The following PRMT9 variants were observed in gnomAD, a reference collection of about 807,000 sequenced individuals.
PRMT9 encodes protein arginine methyltransferase 9.
A neutral mutation model predicts 83.2 loss-of-function variants in PRMT9; 59 were observed. The ratio of observed to expected loss-of-function variants is 0.71; its 90% confidence interval spans 0.57 to 0.88. The LOEUF (loss-of-function observed/expected upper bound fraction) is 0.88. Ranked by LOEUF, PRMT9 falls within the 40% of genes least tolerant of loss-of-function variation. PRMT9 has a pLI of 0.00. For missense variants in PRMT9, 947 were observed against 1,021.9 expected (o/e 0.93, Z 1.00); for synonymous variants, 333 against 353.2 (o/e 0.94, Z 0.64).
chr4:147,682,118 G>A (rs1578949304), intron 1 of PRMT9, among the ~76,000 whole-genome samples: 1 of 152,132 alleles, frequency 6.6e-6, no homozygotes. Context: ...CAATTCTTCT[G>A]CGTCAGCCTC....
intron 6 of PRMT9, among the ~76,000 whole-genome samples, chr4:147,665,044 A>G (rs537580933): frequency 8.2e-5 from 12 of 145,970 alleles, no homozygotes; most frequent in African/African-American, 2.5e-4. Context: ...TCACTTGAAC[A>G]TGGGAGGTGG....
At chr4:147,677,480 G>A (rs1381338766) in intron 2 of PRMT9, among the ~76,000 whole-genome samples, 2 of 112,260 alleles carry the variant, frequency 1.8e-5, no homozygotes, top group Non-Finnish European at 3.4e-5. Context: ...TTGAGATGGA[G>A]TCTCTCTCTG....
At position 147,668,572 on chromosome 4, in the gene PRMT9, G is replaced by T; in HGVS notation, c.920C>A (p.Ala307Glu). 1 of 1,609,868 alleles carries T rather than the reference G, an allele frequency of 6.2e-7. No individual in the cohort carries two copies. The highest frequency in any genetic ancestry group is 8.5e-7 in the Non-Finnish European group (1 of 1,177,034). Residue 307 changes from alanine (A) to glutamate (E), a missense_variant, in exon 6 of 12, where the codon GCA (alanine) becomes GAA (glutamate). Physicochemically the swap from Ala to Glu is moderately radical, Grantham distance 107. Transcript: ENST00000322396. ...TCTTCTTATCTCTGCACATTCTACT[G>T]CCATCCCAAATATAACAGCACTTGC... ...IPASAVIFGMAVECAEIRRHH... is the reference protein window; with the variant it reads ...IPASAVIFGMEVECAEIRRHH...
intron 7 of PRMT9, among the ~76,000 whole-genome samples, chr4:147,659,579 C>CTTTTTTTTTTT (rs33942571): frequency 4.9e-5 from 6 of 121,642 alleles, no homozygotes; most frequent in Non-Finnish European, 9.8e-5. Context: ...ACTTTCTTTT[C>CTTTTTTTTTTT]TTTTTTTTTT....
chr4:147,682,336 C>A (rs1463557133), intron 1 of PRMT9, among the ~76,000 whole-genome samples: 1 of 152,208 alleles, frequency 6.6e-6, no homozygotes, highest in African/African-American at 2.4e-5. Flanking sequence ...TGCACCACCA[C>A]GCCCAGCTAA....
chr4:147,658,111 T>C (rs374266333), intron 7 of PRMT9, 136 bp from the exon 8 acceptor site: 2 of 650,522 alleles, frequency 3.1e-6, no homozygotes, highest in East Asian at 2.7e-5. Context: ...GGCACACCTA[T>C]AACCATGTAA....
chr4:147,665,185 T>C (rs996311047), intron 6 of PRMT9, among the ~76,000 whole-genome samples: 1 of 151,592 alleles, frequency 6.6e-6, no homozygotes, highest in Non-Finnish European at 1.5e-5. Context: ...CAATCTTTCC[T>C]TTTGTCGTAA....
Position 147,638,241 on chromosome 4 carries a change from A to G in PRMT9, c.*291T>C, listed in dbSNP as rs181877769. The stretch of plus-strand genomic sequence containing the variant: ...AAGTAAAGTTTTGCTTTACTTACAC[A>G]TGTCAATAACGATAAGACTTTTAAA... On this transcript the variant is annotated 3_prime_UTR_variant, in exon 12 of 12. Coordinates refer to ENST00000322396, the MANE Select transcript of PRMT9 (RefSeq NM_138364.4). The G allele has an allele frequency of 2.7e-6, 1 of 364,682 alleles. No homozygotes were observed. Among genetic ancestry groups the G allele is most frequent in the Non-Finnish European group, 5.1e-6 (1 of 196,902 alleles). The allele number at this position is 364,682 out of a possible 1,614,324, so 22.6% of individuals were successfully genotyped here.
intron 6 of PRMT9, among the ~76,000 whole-genome samples, chr4:147,667,846 T>C (rs974084952): frequency 3.3e-5 from 5 of 152,162 alleles, no homozygotes; most frequent in African/African-American, 9.7e-5. Flanking sequence ...CACAGTGGAA[T>C]CTTTCATTCC....
intron 8 of PRMT9, among the ~76,000 whole-genome samples, chr4:147,656,493 C>A (rs1230465740): frequency 6.6e-6 from 1 of 151,912 alleles, no homozygotes; most frequent in Non-Finnish European, 1.5e-5. Context: ...GGTCTTGCAG[C>A]CGGGCACGGT....
intron 1 of PRMT9, among the ~76,000 whole-genome samples, chr4:147,683,489 C>G (rs1353896137): frequency 2.6e-5 from 4 of 152,142 alleles, no homozygotes; most frequent in Non-Finnish European, 2.9e-5. Flanking sequence ...GGACATATTT[C>G]GAAGGTGAAG....
chr4:147,655,075 C>T lies in PRMT9; in HGVS notation c.1331-509G>A, dbSNP rs554811674. On this transcript the variant is annotated intron_variant, in intron 8 of 11. Coordinates refer to ENST00000322396, the MANE Select transcript of PRMT9 (RefSeq NM_138364.4). ...GTTAACTGTAAGTATTTTAGACATT[C>T]TTGCATGTCTAGGAACTTCAAAGTA... 2.0e-5 allele frequency among the ~76,000 whole-genome samples: 3 copies of T among 152,346 alleles called. 1 individual carries two copies. In the South Asian group the frequency reaches 6.2e-4, roughly 32 times the overall value.
At chr4:147,658,429 A>G (rs922723042) in intron 7 of PRMT9, among the ~76,000 whole-genome samples, 1 of 152,114 alleles carries the variant, frequency 6.6e-6, no homozygotes, top group African/African-American at 2.4e-5. Context: ...ATGTACTTCA[A>G]ACTAGTGACC....
rs760608558 is a variant in PRMT9 at position 147,638,517 on chromosome 4, T to C, written c.*15A>G. The C allele has an allele frequency of 3.1e-6, 5 of 1,599,440 alleles. No individual in the cohort carries two copies. The East Asian group carries it at 6.7e-5, about 21-fold the overall frequency. The stretch of plus-strand genomic sequence containing the variant: ...TGATGCTCTATTTACACAGTTTTCA[T>C]TGGAAAACTGCTCTTCATTGCTTTA... On this transcript the variant is annotated 3_prime_UTR_variant, in exon 12 of 12. Coordinates refer to ENST00000322396, the MANE Select transcript of PRMT9 (RefSeq NM_138364.4).
At chr4:147,668,089 A>T (rs182742746) in intron 6 of PRMT9, among the ~76,000 whole-genome samples, 143 of 152,230 alleles carry the variant, frequency 9.4e-4, no homozygotes, top group Non-Finnish European at 3.1e-4. Context: ...AACCTCTGTA[A>T]TATTCTCTTT....
intron 10 of PRMT9, among the ~76,000 whole-genome samples, chr4:147,642,226 G>A (rs765817111): frequency 2.6e-5 from 4 of 151,898 alleles, no homozygotes; most frequent in African/African-American, 9.7e-5. Context: ...ACAGTGATTC[G>A]AAGGCGTATC....
chr4:147,679,264 GTC>G (rs973334188), intron 2 of PRMT9, among the ~76,000 whole-genome samples: 11 of 152,138 alleles, frequency 7.2e-5, no homozygotes, highest in African/African-American at 2.6e-4. Context: ...GCAAAATCCT[GTC>G]TCTACAAACA....
chr4:147,680,459 A>T lies in PRMT9; in HGVS notation c.202T>A (p.Tyr68Asn). 1 of 1,613,656 alleles carries T rather than the reference A, an allele frequency of 6.2e-7. No homozygotes were observed. The highest frequency in any genetic ancestry group is 8.5e-7 in the Non-Finnish European group (1 of 1,179,620). Reference sequence around the variant, plus strand: ...TCTTCAGCCCATCTGAAAAGTGTGTACTGAAAAGTTTCCTTTACAAATAAG... The same window carrying T: ...TCTTCAGCCCATCTGAAAAGTGTGTTCTGAAAAGTTTCCTTTACAAATAAG... ...LKHDVKETFQ[Y>N]TLFRWAEELD... Residue 68 changes from tyrosine to asparagine, a missense_variant, in exon 2 of 12, where the codon TAC becomes AAC. Physicochemically the swap from Tyr to Asn is moderately radical, Grantham distance 143. Coordinates refer to ENST00000322396, the MANE Select transcript of PRMT9 (RefSeq NM_138364.4).
At chr4:147,661,942 G>C (rs530120578) in intron 6 of PRMT9, among the ~76,000 whole-genome samples, 3 of 152,188 alleles carry the variant, frequency 2.0e-5, no homozygotes, top group Admixed American at 6.5e-5. Context: ...AGACTACTTT[G>C]TAGTACCAAT....
Sources: allele counts gnomAD v4.1 joint callset (sites outside exome capture counted in the v4.1 genomes callset), GRCh38; gene constraint gnomAD v4.1.1; transcripts MANE v1.5; gene names NCBI Gene and HGNC (gene_info 2026-07-23, HGNC 2026-07-21).